The following ECE1 variants were observed in gnomAD, a reference collection of about 807,000 sequenced individuals.
ECE1 encodes endothelin-converting enzyme 1.
A neutral mutation model predicts 98.6 loss-of-function variants in ECE1; 35 were observed. The observed-to-expected ratio is 0.35, with a 90% CI of 0.27 to 0.47. The LOEUF is 0.47. Ranked by LOEUF, ECE1 falls within the 20% of genes least tolerant of loss-of-function variation. The probability of loss-of-function intolerance (pLI) is 1.00; values close to 1 mark genes in which losing one functional copy is unlikely to be tolerated. For synonymous variants in ECE1, 394 were observed against 407.1 expected (o/e 0.97, Z 0.39); for missense variants, 814 against 1,025.3 (o/e 0.79, Z 2.81).
intron 1 of ECE1, among the ~76,000 whole-genome samples, chr1:21,313,178 G>A (rs749393368): frequency 6.6e-6 from 1 of 152,078 alleles, no homozygotes; most frequent in Non-Finnish European, 1.5e-5. Flanking sequence ...CAATGCCAAG[G>A]CCAACTCCCC....
chr1:21,228,657 C>T (rs1182636265), intron 14 of ECE1, among the ~76,000 whole-genome samples: 4 of 151,778 alleles, frequency 2.6e-5, no homozygotes, highest in Non-Finnish European at 4.4e-5. Flanking sequence ...GGCGTGGTGG[C>T]GCACACTTGT....
chr1:21,304,858 G>C (rs2103382901), intron 1 of ECE1, among the ~76,000 whole-genome samples: 1 of 152,284 alleles, frequency 6.6e-6, no homozygotes, highest in South Asian at 2.1e-4. Flanking sequence ...AGGGGCTCAT[G>C]TTTCAAGGAA....
chr1:21,260,880 G>A lies in ECE1; in HGVS notation c.494-488C>T, dbSNP rs1383171450. 1.3e-5 allele frequency among the ~76,000 whole-genome samples: 2 copies of A among 152,208 alleles called. No individual in the cohort carries two copies. The highest frequency in any genetic ancestry group is 2.9e-5 in the Non-Finnish European group (2 of 68,034). On this transcript the variant is annotated intron_variant, in intron 4 of 18. Coordinates refer to ENST00000374893, the MANE Select transcript of ECE1 (RefSeq NM_001397.3). The surrounding 1 kb of genome is among the most constrained non-coding windows in gnomAD (Gnocchi z 4.3). ...TACTTTTTGCTTCCTCCTTGGAGGG[G>A]CTAGGCACGTTCACCAGGCTTACAG...
At chr1:21,224,669 C>T (rs889761892) in intron 17 of ECE1, among the ~76,000 whole-genome samples, 12 of 152,168 alleles carry the variant, frequency 7.9e-5, no homozygotes, top group Admixed American at 1.3e-4. Context: ...GTTTTTCTCT[C>T]GTGGCCTCTG....
intron 1 of ECE1, among the ~76,000 whole-genome samples, chr1:21,308,808 G>A (rs560162689): frequency 1.6e-4 from 24 of 152,232 alleles, no homozygotes; most frequent in East Asian, 9.7e-4. Flanking sequence ...CTCTGATGCC[G>A]TGTCTCAGAG....
chr1:21,271,457 TAA>T (rs2098240162), intron 4 of ECE1, among the ~76,000 whole-genome samples: 1 of 152,208 alleles, frequency 6.6e-6, no homozygotes, highest in African/African-American at 2.4e-5. Flanking sequence ...TTGAATATCT[TAA>T]AGTTTTTTAA....
intron 10 of ECE1, among the ~76,000 whole-genome samples, chr1:21,241,714 C>T (rs1408507319): frequency 1.4e-4 from 21 of 152,154 alleles, no homozygotes; most frequent in African/African-American, 1.2e-4. Context: ...CATGAGCCAC[C>T]GCACCCGGCC....
In ECE1 at chr1:21,290,351, G is replaced by A; in HGVS notation, c.51+13C>T. 3 of 1,165,626 alleles carry A rather than the reference G, an allele frequency of 2.6e-6. No individual in the cohort carries two copies. Among genetic ancestry groups the A allele is most frequent in the Non-Finnish European group, 3.2e-6 (3 of 949,784 alleles). 72.2% of individuals were successfully genotyped at this position (1,165,626 alleles called of 1,614,324 possible). ...GCCTCCCGCCCCCGCCCTCCAGGCC[G>A]CGCCCGCCTCACCCCCAGCGCCGAC... is the stretch of plus-strand genomic sequence containing the variant. On this transcript the variant is annotated intron_variant, in intron 1 of 18. Transcript: ENST00000374893. The surrounding 1 kb of genome is among the most constrained non-coding windows in gnomAD (Gnocchi z 7.3).
At chr1:21,323,311 A>C (rs1198942158) in intron 1 of ECE1, among the ~76,000 whole-genome samples, 3 of 152,172 alleles carry the variant, frequency 2.0e-5, no homozygotes, top group Non-Finnish European at 4.4e-5. Context: ...GTTATGGATC[A>C]AAATACACAA....
At chr1:21,226,368 T>C (rs1558366667) in intron 16 of ECE1, among the ~76,000 whole-genome samples, 1 of 152,120 alleles carries the variant, frequency 6.6e-6, no homozygotes, top group Non-Finnish European at 1.5e-5. Flanking sequence ...ACCATCACGC[T>C]CCTTTTACAG....
chr1:21,289,987 T>C (rs911928317), intron 2 of ECE1, 83 bp downstream of exon 2: 3 of 1,156,206 alleles, frequency 2.6e-6, no homozygotes, highest in African/African-American at 2.7e-5. Flanking sequence ...GCGGGGTAGG[T>C]AGGGGCGGGG....
At chr1:21,267,388 G>A (rs2098235180) in intron 4 of ECE1, 1 of 152,344 alleles carries the variant, frequency 6.6e-6, no homozygotes, top group Non-Finnish European at 1.5e-5. Flanking sequence ...AAGGCAAGGA[G>A]GAGCAAGTCA....
Position 21,225,346 on chromosome 1 carries a change from C to G in ECE1, c.1944G>C (p.Gln648His). The change falls in exon 17 of 19, where the codon CAG becomes CAC. Residue 648 changes from glutamine to histidine, a missense_variant. By Grantham distance (24) the Gln-to-His change is conservative. This residue lies in a region of ECE1 where 452 missense variants were observed against 567.3 expected (regional missense o/e 0.80). Coordinates refer to ENST00000374893, the MANE Select transcript of ECE1 (RefSeq NM_001397.3). This position sits in a 1 kb window ranked among gnomAD's most constrained non-coding sequence, Gnocchi z 5.3. ...CCCCGTTCACGCTGTAGTTGCTGTA[C>G]TGCTCTACCATGCACTCGGTCTGAC... ...FKRQTECMVEQYSNYSVNGEP... is the reference protein window; with the variant it reads ...FKRQTECMVEHYSNYSVNGEP... 6.2e-7 allele frequency: 1 copy of G among 1,614,252 alleles called. No homozygotes were observed. The highest frequency in any genetic ancestry group is 8.5e-7 in the Non-Finnish European group (1 of 1,180,044).
chr1:21,308,507 G>A (rs558117490), intron 1 of ECE1, among the ~76,000 whole-genome samples: 52 of 152,242 alleles, frequency 3.4e-4, no homozygotes, highest in African/African-American at 1.1e-3. Flanking sequence ...GCCTGAGGGA[G>A]CTCTGGCGTG....
At chr1:21,324,760 C>T (rs982651891) in intron 1 of ECE1, among the ~76,000 whole-genome samples, 5 of 152,316 alleles carry the variant, frequency 3.3e-5, no homozygotes, top group African/African-American at 9.6e-5. Flanking sequence ...CAAATGGAGG[C>T]GGAGGTGGCA....
chr1:21,289,952 GAGGGAGGGGA>G (rs1414882786), intron 2 of ECE1, 108 bp downstream of exon 2: 22 of 1,209,238 alleles, frequency 1.8e-5, no homozygotes, highest in Non-Finnish European at 2.1e-5. Context: ...ATGCCGGGAC[GAGGGAGGGGA>G]AGGGAGGGGA....
In ECE1 at chr1:21,258,673, G is replaced by A. The variant is rs1311395033; in HGVS notation, c.762+20C>T. Reference sequence around the variant, plus strand: ...GGTCGTGCCCGCCCCCTCGACCGCTGCAGGTTCAAGCTAGCTCACCTGGAT... The same window carrying A: ...GGTCGTGCCCGCCCCCTCGACCGCTACAGGTTCAAGCTAGCTCACCTGGAT... On this transcript the variant is annotated intron_variant, in intron 6 of 18. Coordinates refer to ENST00000374893, the MANE Select transcript of ECE1 (RefSeq NM_001397.3). This position sits in a 1 kb window ranked among gnomAD's most constrained non-coding sequence, Gnocchi z 4.2. 1 of 1,613,894 alleles carries A rather than the reference G, an allele frequency of 6.2e-7. No homozygotes were observed. The highest frequency in any genetic ancestry group is 2.2e-5 in the East Asian group (1 of 44,878).
At chr1:21,323,019 T>C (rs1212673732) in intron 1 of ECE1, among the ~76,000 whole-genome samples, 1 of 152,172 alleles carries the variant, frequency 6.6e-6, no homozygotes, top group Non-Finnish European at 1.5e-5. Flanking sequence ...CTGGCAGGAC[T>C]GAGGACACAG....
At chr1:21,265,185 G>A (rs549885054) in intron 4 of ECE1, among the ~76,000 whole-genome samples, 1 of 152,222 alleles carries the variant, frequency 6.6e-6, no homozygotes, top group South Asian at 2.1e-4. Flanking sequence ...TAATTGGTGA[G>A]TGAATAAAGG....
Sources: allele counts gnomAD v4.1 joint callset (sites outside exome capture counted in the v4.1 genomes callset), GRCh38; gene constraint gnomAD v4.1.1; regional missense constraint gnomAD v4.1.1; non-coding constraint Gnocchi (gnomAD v3.1); transcripts MANE v1.5; gene names NCBI Gene and HGNC (gene_info 2026-07-23, HGNC 2026-07-21).